The following CXorf38 variants were observed in gnomAD, a reference collection of about 807,000 sequenced individuals.
CXorf38 encodes the protein chromosome X open reading frame 38, also known as uncharacterized protein CXorf38.
In CXorf38, 13 loss-of-function variants were observed where a neutral mutation model predicts 27.5. That is an observed-to-expected ratio of 0.47 (90% CI 0.31 to 0.75). The LOEUF is 0.75. CXorf38 is among the 30% of genes least tolerant of loss of function. The pLI, the probability that CXorf38 is intolerant of heterozygous loss-of-function variation, is 0.05. For missense variants in CXorf38, 240 were observed against 253.2 expected (o/e 0.95, Z 0.35); for synonymous variants, 100 against 99.8 (o/e 1.00, Z -0.01).
chrX:40,631,231 A>G (rs1569268510), intron 5 of CXorf38, among the ~76,000 whole-genome samples: 1 of 90,463 alleles, frequency 1.1e-5, no homozygotes, highest in East Asian at 3.5e-4. Context: ...ATGTGTATAT[A>G]TATGTGTGTA....
At chrX:40,638,898 A>C (rs1287231433) in intron 3 of CXorf38, 111 bp downstream of exon 3, 1 of 901,890 alleles carries the variant, frequency 1.1e-6, no homozygotes, top group African/African-American at 2.0e-5. Flanking sequence ...GGGAGCTACT[A>C]CGTGCTATAC....
At position 40,647,050 on chromosome X, in the gene CXorf38, C is replaced by T. The variant is rs776699513; in HGVS notation, c.308G>A (p.Cys103Tyr). 2 of 1,211,850 alleles carry T rather than the reference C, an allele frequency of 1.7e-6. No homozygotes were observed. The highest frequency in any genetic ancestry group is 2.2e-6 in the Non-Finnish European group (2 of 895,310). Residue 103 changes from cysteine (C) to tyrosine (Y), a missense_variant, in exon 2 of 7, where the codon TGC becomes TAC. Cys to Tyr is a radical substitution (Grantham distance 194, BLOSUM62 -2). Coordinates refer to ENST00000327877, the MANE Select transcript of CXorf38 (RefSeq NM_144970.3). ...NRNGDVHWGN[C>Y]RPGRWPVDAW... Reference sequence around the variant, plus strand: ...GTCCACGGGCCAGCGGCCCGGCCGGCAGTTTCCCCAGTGCACATCTCCATT... The same window carrying T: ...GTCCACGGGCCAGCGGCCCGGCCGGTAGTTTCCCCAGTGCACATCTCCATT...
chrX:40,631,119 CAAAT>C (rs765022939), intron 5 of CXorf38, among the ~76,000 whole-genome samples: 8 of 109,659 alleles, frequency 7.3e-5, no homozygotes, highest in Middle Eastern at 4.9e-3. Flanking sequence ...TGTGTGTGTA[CAAAT>C]AAATAAAATG....
chrX:40,629,506 TG>T lies in CXorf38; in HGVS notation c.*657del, dbSNP rs1927670102. ...TCCAGGTGAGCCTCTGGCACAGGCC[TG>T]GCCAAACACAGCCTTTACTAAGTTA... On this transcript the variant is annotated 3_prime_UTR_variant, in exon 7 of 7. Transcript: ENST00000327877. 1 of 112,851 alleles carries T rather than the reference TG, an allele frequency of 8.9e-6. No homozygotes were observed. The highest frequency in any genetic ancestry group is 1.9e-5 in the Non-Finnish European group (1 of 53,386). The allele number at this position is 112,851 out of a possible 1,213,427, so 9.3% of individuals were successfully genotyped here. A position where few individuals can be genotyped will look rare whatever the true frequency, so the allele number is the denominator to read the frequency against.
intron 5 of CXorf38, among the ~76,000 whole-genome samples, chrX:40,635,156 A>C (rs1348137400): frequency 8.8e-6 from 1 of 113,167 alleles, no homozygotes; most frequent in African/African-American, 3.2e-5. Context: ...AAACAGCAGC[A>C]GAAAGAAAAC....
chrX:40,643,272 A>G (rs749390964), intron 2 of CXorf38, among the ~76,000 whole-genome samples: 1 of 111,396 alleles, frequency 9.0e-6, no homozygotes, highest in African/African-American at 3.3e-5. Flanking sequence ...TGTTTTTAAA[A>G]AAAACAGCTT....
chrX:40,645,774 A>T (rs1160035248), intron 2 of CXorf38, among the ~76,000 whole-genome samples: 1 of 110,494 alleles, frequency 9.1e-6, no homozygotes, highest in East Asian at 2.8e-4. Context: ...GCACCACCAC[A>T]CCCAGCTAAT....
In CXorf38 at chrX:40,647,509, C is replaced by T. The variant is rs1443092485; in HGVS notation, c.12G>A (p.Ser4=). 1.7e-6 allele frequency: 2 copies of T among 1,185,092 alleles called. No individual in the cohort carries two copies. The highest frequency in any genetic ancestry group is 1.8e-5 in the South Asian group (1 of 54,709). The change falls in exon 1 of 7, where the codon TCG becomes TCA. Residue 4 remains serine, a synonymous_variant. Coordinates refer to ENST00000327877, the MANE Select transcript of CXorf38 (RefSeq NM_144970.3). Reference sequence around the variant, plus strand: ...CGCAGTTGAGGCGCGCCGCTAGCTCCGACAGCACCATGTCTCCCACTTGGA... The same window carrying T: ...CGCAGTTGAGGCGCGCCGCTAGCTCTGACAGCACCATGTCTCCCACTTGGA... MVL[S]ELAARLNCAE... is the part of the protein sequence containing the mutation.
rs1243844221 is a variant in CXorf38 at position 40,627,018 on chromosome X, G to A, written c.*3146C>T. 1 of 111,501 alleles carries A rather than the reference G, an allele frequency of 9.0e-6. No homozygotes were observed. The highest frequency in any genetic ancestry group is 1.9e-5 in the Non-Finnish European group (1 of 53,047). The allele number at this position is 111,501 out of a possible 1,213,427, so 9.2% of individuals were successfully genotyped here. A position where few individuals can be genotyped will look rare whatever the true frequency, so the allele number is the denominator to read the frequency against. The stretch of plus-strand genomic sequence containing the variant: ...TGTTTGTTGTAAAAATTTCACCTAG[G>A]AGGATATAAAATAGAAAAGCCGAAT... On this transcript the variant is annotated 3_prime_UTR_variant, in exon 7 of 7. Coordinates refer to ENST00000327877, the MANE Select transcript of CXorf38 (RefSeq NM_144970.3).
Position 40,627,152 on chromosome X carries a change from A to G in CXorf38, c.*3012T>C, listed in dbSNP as rs1262361257. 2.1e-5 allele frequency: 2 copies of G among 96,731 alleles called. No individual in the cohort carries two copies. Among genetic ancestry groups the G allele is most frequent in the African/African-American group, 7.7e-5 (2 of 26,087 alleles). 8.0% of individuals were successfully genotyped at this position (96,731 alleles called of 1,213,427 possible). On this transcript the variant is annotated 3_prime_UTR_variant, in exon 7 of 7. Transcript: ENST00000327877. ...CAGACCTCTACTATTCTAAAACACAAAGAGCATTACAGCTTGCTATGCATT... is the reference window on the plus strand; with the variant it reads ...CAGACCTCTACTATTCTAAAACACAGAGAGCATTACAGCTTGCTATGCATT...
intron 2 of CXorf38, among the ~76,000 whole-genome samples, chrX:40,643,315 T>C (rs1291105066): frequency 9.0e-6 from 1 of 111,723 alleles, no homozygotes; most frequent in Non-Finnish European, 1.9e-5. Context: ...CTACACATTA[T>C]AATTCAGTGG....
At chrX:40,635,251 T>C (rs888234826) in intron 5 of CXorf38, among the ~76,000 whole-genome samples, 18 of 112,879 alleles carry the variant, frequency 1.6e-4, no homozygotes, top group African/African-American at 5.8e-4. Flanking sequence ...TTCTAATACA[T>C]CATTTTAAAT....
chrX:40,631,935 G>C (rs1927833135), intron 5 of CXorf38, among the ~76,000 whole-genome samples: 1 of 111,644 alleles, frequency 9.0e-6, no homozygotes, highest in Admixed American at 9.5e-5. Flanking sequence ...TGGTCAGTAA[G>C]TAGACCGGGA....
At chrX:40,637,543 G>C (rs1379460817) in intron 3 of CXorf38, among the ~76,000 whole-genome samples, 2 of 112,195 alleles carry the variant, frequency 1.8e-5, no homozygotes, top group Non-Finnish European at 3.8e-5. Context: ...CTGGGGAGCA[G>C]AGGCCCTATC....
chrX:40,646,961 G>T (rs183513576), intron 2 of CXorf38, 46 bp downstream of exon 2: 1 of 1,189,180 alleles, frequency 8.4e-7, no homozygotes, highest in Non-Finnish European at 1.1e-6. Flanking sequence ...CCCGAGTGCT[G>T]GGTGACCCGC....
At chrX:40,640,044 G>A (rs1245572649) in intron 2 of CXorf38, 1 of 195,331 alleles carries the variant, frequency 5.1e-6, no homozygotes, top group South Asian at 6.1e-5. Flanking sequence ...AAAGTTACTC[G>A]CAATAAGAAC....
rs181314959 is a variant in CXorf38, at chrX:40,631,208, C to G, written c.802-435G>C. Among the ~76,000 whole-genome samples, 730 of 99,137 alleles carry G rather than the reference C, an allele frequency of 7.4e-3. 7 individuals are homozygous for G. The highest frequency in any genetic ancestry group is 0.025 in the African/African-American group (675 of 26,613). 86.1% of individuals were successfully genotyped at this position (99,137 alleles called of 115,157 possible). On this transcript the variant is annotated intron_variant, in intron 5 of 6. Coordinates refer to ENST00000327877, the MANE Select transcript of CXorf38 (RefSeq NM_144970.3). ...ACATATGTTCATATATACGTGTGTA[C>G]ATATATATATACATGTGTATATATA...
intron 6 of CXorf38, 29 bp downstream of exon 6, chrX:40,630,585 C>A: frequency 2.5e-6 from 3 of 1,189,216 alleles, no homozygotes; most frequent in African/African-American, 1.7e-5. Context: ...TTCTGTCCTT[C>A]TTTAACACCA....
chrX:40,644,625 G>A (rs1319008623), intron 2 of CXorf38, among the ~76,000 whole-genome samples: 1 of 112,578 alleles, frequency 8.9e-6, no homozygotes, highest in East Asian at 2.8e-4. Context: ...AAAGTACATA[G>A]GAGAATGTAT....
Sources: gnomAD v4.1 joint callset for allele counts (sites outside exome capture counted in the v4.1 genomes callset) on GRCh38, gnomAD v4.1.1 for gene constraint, MANE v1.5 for transcripts, NCBI Gene and HGNC (gene_info 2026-07-23, HGNC 2026-07-21) for gene names.